Variants in CEP112 observed in about 807,000 individuals in gnomAD.
CEP112 encodes the protein centrosomal protein 112.
Under a neutral mutation model 153.0 loss-of-function variants are expected in CEP112, and 127 were observed. The observed-to-expected ratio is 0.83, with a 90% CI of 0.72 to 0.96. The LOEUF (loss-of-function observed/expected upper bound fraction) is 0.96. Ranked by LOEUF, CEP112 falls within the 40% of genes least tolerant of loss-of-function variation. CEP112 has a pLI of 0.00. For synonymous variants in CEP112, 358 were observed against 374.4 expected, an observed-to-expected ratio of 0.96 and a Z score of 0.51; for missense variants, 1,089 against 1,101.2, an observed-to-expected ratio of 0.99 and a Z score of 0.16.
intron 21 of CEP112, among the ~76,000 whole-genome samples, chr17:65,847,343 A>G (rs895429962): frequency 6.6e-6 from 1 of 152,160 alleles, no homozygotes; most frequent in African/African-American, 2.4e-5. Context: ...CAGAACTCCA[A>G]TTCTATAGGA....
chr17:66,002,325 A>G (rs1568363979), intron 17 of CEP112, among the ~76,000 whole-genome samples: 1 of 152,190 alleles, frequency 6.6e-6, no homozygotes, highest in East Asian at 1.9e-4. Context: ...TCTCAAACAC[A>G]TTATATATCA....
At chr17:65,977,075 T>C (rs1246776736) in intron 17 of CEP112, among the ~76,000 whole-genome samples, 1 of 152,132 alleles carries the variant, frequency 6.6e-6, no homozygotes, top group Non-Finnish European at 1.5e-5. Context: ...TTTTAACTCA[T>C]GGTAACCAAA....
At chr17:65,913,530 T>C (rs2060362982) in intron 19 of CEP112, 1 of 985,270 alleles carries the variant, frequency 1.0e-6, no homozygotes, top group Non-Finnish European at 1.2e-6. Flanking sequence ...ATAGAATGTG[T>C]CATTTGGGGA....
chr17:65,711,256 G>A (rs80197606), intron 23 of CEP112, among the ~76,000 whole-genome samples: 1,611 of 152,294 alleles, frequency 0.011, 29 homozygotes, highest in African/African-American at 0.037. Flanking sequence ...GTAGAGTAAT[G>A]AAGCATTCAA....
intron 20 of CEP112, among the ~76,000 whole-genome samples, chr17:65,870,525 C>T (rs938776850): frequency 1.3e-5 from 2 of 152,072 alleles, no homozygotes; most frequent in African/African-American, 4.8e-5. Context: ...TATATTTTTT[C>T]TAGACTCAAA....
intron 23 of CEP112, among the ~76,000 whole-genome samples, chr17:65,721,063 G>A (rs908704450): frequency 2.7e-5 from 4 of 147,288 alleles, no homozygotes; most frequent in African/African-American, 7.5e-5. Context: ...CCAGGATGGA[G>A]TGCAGTGGCA....
chr17:65,689,292 C>T (rs2047978542), intron 23 of CEP112, 74 bp from the exon 24 acceptor site: 2 of 1,025,660 alleles, frequency 1.9e-6, no homozygotes, highest in Non-Finnish European at 3.0e-6. Flanking sequence ...CATGAACTGG[C>T]ACTAAAAAGG....
At chr17:66,034,820 TTCAC>T (rs1319325467) in intron 12 of CEP112, among the ~76,000 whole-genome samples, 1 of 150,930 alleles carries the variant, frequency 6.6e-6, no homozygotes, top group African/African-American at 2.4e-5. Flanking sequence ...CGTTTTTGTT[TTCAC>T]TGAGACAGAG....
intron 5 of CEP112, 124 bp from the exon 6 acceptor site, chr17:66,129,947 TAAAAAAGG>T (rs1555805575): frequency 1.2e-5 from 5 of 400,826 alleles, no homozygotes; most frequent in South Asian, 8.8e-5. Flanking sequence ...AGGAAGGAAG[TAAAAAAGG>T]AAAAAAGGAA....
chr17:66,111,262 T>C (rs1400333485), intron 6 of CEP112, among the ~76,000 whole-genome samples: 2 of 152,184 alleles, frequency 1.3e-5, no homozygotes, highest in Admixed American at 6.5e-5. Flanking sequence ...TTGATAGGAA[T>C]GCAAATTAGT....
chr17:65,718,821 G>A (rs2049701882), intron 23 of CEP112, among the ~76,000 whole-genome samples: 1 of 152,176 alleles, frequency 6.6e-6, no homozygotes, highest in Non-Finnish European at 1.5e-5. Context: ...TTATCTTGGG[G>A]TTAAGCCTGT....
chr17:65,969,886 A>G (rs542941073), intron 17 of CEP112, among the ~76,000 whole-genome samples: 3 of 152,358 alleles, frequency 2.0e-5, no homozygotes, highest in South Asian at 2.1e-4. Context: ...TGTGTAAATT[A>G]CATGCATGCT....
chr17:65,981,144 T>C (rs2063212166), intron 17 of CEP112, among the ~76,000 whole-genome samples: 1 of 152,046 alleles, frequency 6.6e-6, no homozygotes, highest in Admixed American at 6.6e-5. Context: ...ACATACACCC[T>C]TGCACTCTCC....
At chr17:65,785,079 C>T (rs1202947576) in intron 21 of CEP112, among the ~76,000 whole-genome samples, 1 of 152,196 alleles carries the variant, frequency 6.6e-6, no homozygotes, top group South Asian at 2.1e-4. Context: ...TTAAATCATA[C>T]AACATATGAC....
intron 4 of CEP112, among the ~76,000 whole-genome samples, chr17:66,164,010 C>G (rs1351714796): frequency 2.6e-5 from 4 of 152,184 alleles, no homozygotes; most frequent in African/African-American, 9.6e-5. Flanking sequence ...CCATTATTTT[C>G]AAAGCTGCTC....
intron 6 of CEP112, among the ~76,000 whole-genome samples, chr17:66,112,548 G>A (rs1598375928): frequency 6.6e-6 from 1 of 152,090 alleles, no homozygotes; most frequent in Admixed American, 6.5e-5. Context: ...CACTACTAGT[G>A]GGTACATGAA....
intron 21 of CEP112, among the ~76,000 whole-genome samples, chr17:65,805,673 A>T (rs1424986901): frequency 6.6e-6 from 1 of 152,186 alleles, no homozygotes; most frequent in African/African-American, 2.4e-5. Flanking sequence ...TTCCTGGACA[A>T]TATCTGATAA....
intron 6 of CEP112, among the ~76,000 whole-genome samples, chr17:66,120,764 G>C (rs1018141231): frequency 1.3e-5 from 2 of 151,936 alleles, no homozygotes; most frequent in African/African-American, 4.8e-5. Flanking sequence ...TGTCAGTCTG[G>C]CTAAAAGTTC....
chr17:65,876,949 T>G (rs2058849946), intron 20 of CEP112, among the ~76,000 whole-genome samples: 1 of 152,156 alleles, frequency 6.6e-6, no homozygotes, highest in South Asian at 2.1e-4. Flanking sequence ...GAGGTTCTTG[T>G]TTTTTCTCTG....
Sources: gnomAD v4.1 joint callset for allele counts (sites outside exome capture counted in the v4.1 genomes callset) on GRCh38, gnomAD v4.1.1 for gene constraint, MANE v1.5 for transcripts, NCBI Gene and HGNC (gene_info 2026-07-23, HGNC 2026-07-21) for gene names.